SCN2B: variants seen among roughly 807,000 people sequenced by gnomAD.
The protein encoded by SCN2B is sodium voltage-gated channel beta subunit 2.
Under a neutral mutation model 18.2 loss-of-function variants are expected in SCN2B, and 14 were observed. The observed-to-expected ratio is 0.77, with a 90% CI of 0.51 to 1.21. The LOEUF is 1.21. Among genes scored for constraint, SCN2B ranks in the 50% most tolerant of loss-of-function variants. The probability of loss-of-function intolerance (pLI) is 0.00; values close to 1 mark genes in which losing one functional copy is unlikely to be tolerated. For missense variants in SCN2B, 262 were observed against 286.9 expected, an observed-to-expected ratio of 0.91 and a Z score of 0.63; for synonymous variants, 115 against 115.3, an observed-to-expected ratio of 1.00 and a Z score of 0.02.
intron 1 of SCN2B, among the ~76,000 whole-genome samples, chr11:118,169,832 G>C (rs962353346): frequency 1.3e-5 from 2 of 152,132 alleles, no homozygotes; most frequent in Non-Finnish European, 2.9e-5. Flanking sequence ...ATTCTAAGCA[G>C]GACAGAGCCT....
intron 1 of SCN2B, among the ~76,000 whole-genome samples, chr11:118,174,387 C>T (rs1220684557): frequency 3.3e-5 from 5 of 152,100 alleles, no homozygotes; most frequent in South Asian, 4.1e-4. Context: ...ATGCTTCTGC[C>T]GTGGGTAGAG....
In SCN2B at chr11:118,165,732, G is replaced by A. The variant is rs1283986388; in HGVS notation, c.*1155C>T. 6.6e-6 allele frequency: 1 copy of A among 152,398 alleles called. No homozygotes were observed. The highest frequency in any genetic ancestry group is 1.9e-4 in the East Asian group (1 of 5,196). 9.4% of individuals were successfully genotyped at this position (152,398 alleles called of 1,614,324 possible). The stretch of plus-strand genomic sequence containing the variant: ...CCCGCCTTGGCCTCCCAAAGTGCTG[G>A]GATTACAGGCGTGAGCCACTGTGCC... On this transcript the variant is annotated 3_prime_UTR_variant, in exon 4 of 4. Coordinates refer to ENST00000278947, the MANE Select transcript of SCN2B (RefSeq NM_004588.5).
chr11:118,174,091 C>CTTTTTTTTTTT lies in SCN2B; in HGVS notation c.70+2260_70+2270dup, dbSNP rs1162918445. On this transcript the variant is annotated intron_variant, in intron 1 of 3. Coordinates refer to ENST00000278947, the MANE Select transcript of SCN2B (RefSeq NM_004588.5). ...ACCATGCCTGGCTTATTTTTCTTTT[C>CTTTTTTTTTTT]TTTTTTTTTTTTTTTTTTTTTTTTT... 1.5e-3 allele frequency among the ~76,000 whole-genome samples: 100 copies of CTTTTTTTTTTT among 66,664 alleles called. 5 individuals are homozygous for CTTTTTTTTTTT. Among genetic ancestry groups the CTTTTTTTTTTT allele is most frequent in the African/African-American group, 3.5e-3 (55 of 15,540 alleles). 43.7% of individuals were successfully genotyped at this position (66,664 alleles called of 152,430 possible).
intron 3 of SCN2B, 125 bp from the exon 4 acceptor site, chr11:118,167,211 A>G: frequency 2.0e-6 from 2 of 1,002,692 alleles, no homozygotes; most frequent in Non-Finnish European, 2.9e-6. Flanking sequence ...GACTTTAGCA[A>G]AGCCGAAAAG....
At position 118,166,481 on chromosome 11, in the gene SCN2B, C is replaced by A. The variant is rs1253440404; in HGVS notation, c.*406G>T. 3.3e-6 allele frequency: 1 copy of A among 303,074 alleles called. No homozygotes were observed. The highest frequency in any genetic ancestry group is 3.2e-5 in the South Asian group (1 of 31,412). 18.8% of individuals were successfully genotyped at this position (303,074 alleles called of 1,614,324 possible). ...CCCTCCTGAGGGAGCGCTGTCAGCA[C>A]AGGAAAGCCCTCCCTCCCCACCAGG... On this transcript the variant is annotated 3_prime_UTR_variant, in exon 4 of 4. Transcript: ENST00000278947.
chr11:118,174,722 C>T (rs1175945582), intron 1 of SCN2B, among the ~76,000 whole-genome samples: 1 of 152,210 alleles, frequency 6.6e-6, no homozygotes, highest in Non-Finnish European at 1.5e-5. Context: ...ACTCCCTCTT[C>T]CTCACCCTAG....
At chr11:118,169,810 T>C (rs995225229) in intron 1 of SCN2B, among the ~76,000 whole-genome samples, 1 of 152,086 alleles carries the variant, frequency 6.6e-6, no homozygotes, top group Admixed American at 6.5e-5. Context: ...GAAAGGCCTG[T>C]CCCACTCCGA....
At position 118,168,617 on chromosome 11, in the gene SCN2B, A is replaced by G. The variant is rs369196654; in HGVS notation, c.205T>C (p.Tyr69His). The change falls in exon 2 of 4, where the codon TAC (tyrosine) becomes CAC (histidine). Residue 69 changes from tyrosine to histidine, a missense_variant. Coordinates refer to ENST00000278947, the MANE Select transcript of SCN2B (RefSeq NM_004588.5). The surrounding 1 kb of genome is among the most constrained non-coding windows in gnomAD (Gnocchi z 4.7). ...TCAGAGCAGTTGTTGCACTCCTGGT[A>G]AGTCCAGTTCAGGGAGAACTGTTTG... ...NHKQFSLNWT[Y>H]QECNNCSEEM... 133 of 1,614,106 alleles carry G rather than the reference A, an allele frequency of 8.2e-5. No individual in the cohort carries two copies. The highest frequency in any genetic ancestry group is 1.1e-4 in the Non-Finnish European group (131 of 1,180,054).
intron 3 of SCN2B, 151 bp downstream of exon 3, chr11:118,167,934 G>C: frequency 1.4e-6 from 1 of 710,276 alleles, no homozygotes; most frequent in South Asian, 1.5e-5. Context: ...TTGAGGACTA[G>C]AGGGAAGAAA....
Position 118,166,785 on chromosome 11 carries a change from C to T in SCN2B, c.*102G>A. The T allele has an allele frequency of 6.9e-7, 1 of 1,457,670 alleles. No individual in the cohort carries two copies. Among genetic ancestry groups the T allele is most frequent in the Non-Finnish European group, 9.5e-7 (1 of 1,050,852 alleles). 90.3% of individuals were successfully genotyped at this position (1,457,670 alleles called of 1,614,324 possible). A position where few individuals can be genotyped will look rare whatever the true frequency, so the allele number is the denominator to read the frequency against. ...GGAGGCCCCAGGTGGGCCCTGGGGT[C>T]CTAGGTCACGGGAAGCACACCAAGA... On this transcript the variant is annotated 3_prime_UTR_variant, in exon 4 of 4. Transcript: ENST00000278947.
chr11:118,173,562 G>A (rs1408925840), intron 1 of SCN2B, among the ~76,000 whole-genome samples: 5 of 152,176 alleles, frequency 3.3e-5, no homozygotes, highest in Admixed American at 6.5e-5. Context: ...TAGGGCTGTC[G>A]AAGGATTAAA....
Position 118,167,962 on chromosome 11 carries a change from A to G in SCN2B, c.448+123T>C, listed in dbSNP as rs1948397908. 11 of 773,156 alleles carry G rather than the reference A, an allele frequency of 1.4e-5. No homozygotes were observed. In the East Asian group the frequency reaches 2.9e-4, roughly 21 times the overall value. The allele number at this position is 773,156 out of a possible 1,614,324, so 47.9% of individuals were successfully genotyped here. Reference sequence around the variant, plus strand: ...GGAAGAAAATGGATTCCTTCTATGCAGCACAAATGGTTGCTCCCATCCTCA... The same window carrying G: ...GGAAGAAAATGGATTCCTTCTATGCGGCACAAATGGTTGCTCCCATCCTCA... On this transcript the variant is annotated intron_variant, in intron 3 of 3. Coordinates refer to ENST00000278947, the MANE Select transcript of SCN2B (RefSeq NM_004588.5).
intron 1 of SCN2B, among the ~76,000 whole-genome samples, chr11:118,174,483 T>C (rs776337502): frequency 1.4e-4 from 22 of 152,044 alleles, no homozygotes; most frequent in Non-Finnish European, 2.4e-4. Context: ...CCCTCGTCAC[T>C]TGTGGCATCC....
At chr11:118,173,683 G>A (rs1948446518) in intron 1 of SCN2B, among the ~76,000 whole-genome samples, 1 of 152,182 alleles carries the variant, frequency 6.6e-6, no homozygotes, top group African/African-American at 2.4e-5. Context: ...TACATACAAT[G>A]TTGTCTTGTT....
At chr11:118,172,793 C>T (rs1591446261) in intron 1 of SCN2B, among the ~76,000 whole-genome samples, 1 of 152,192 alleles carries the variant, frequency 6.6e-6, no homozygotes, top group African/African-American at 2.4e-5. Flanking sequence ...TAAAAATTTG[C>T]TCATCTGCCA....
chr11:118,166,635 G>A lies in SCN2B; in HGVS notation c.*252C>T. ...TGCCTCCTGCCTCCCCCCAGGGACT[G>A]GCAGGTGGGAGCCCTTTCTCTCCTC... On this transcript the variant is annotated 3_prime_UTR_variant, in exon 4 of 4. Transcript: ENST00000278947. 3.6e-6 allele frequency: 2 copies of A among 551,634 alleles called. No individual in the cohort carries two copies. The highest frequency in any genetic ancestry group is 2.0e-5 in the South Asian group (1 of 49,402). 34.2% of individuals were successfully genotyped at this position (551,634 alleles called of 1,614,324 possible). A position where few individuals can be genotyped will look rare whatever the true frequency, so the allele number is the denominator to read the frequency against.
chr11:118,172,564 G>A (rs879346054), intron 1 of SCN2B, among the ~76,000 whole-genome samples: 29 of 152,218 alleles, frequency 1.9e-4, no homozygotes, highest in Non-Finnish European at 8.8e-5. Flanking sequence ...TACAAGGGGG[G>A]CCCACAATCT....
rs1328314884 is a variant in SCN2B, at chr11:118,168,472, C to T, written c.237+113G>A. On this transcript the variant is annotated intron_variant, in intron 2 of 3. Transcript: ENST00000278947. The surrounding 1 kb of genome is among the most constrained non-coding windows in gnomAD (Gnocchi z 4.7). The stretch of plus-strand genomic sequence containing the variant: ...AAGAGCCTCCAGAGCACGCAGCCCA[C>T]CCAGGGTCCTCTGGGGCCCTAGCGC... The T allele has an allele frequency of 6.8e-7, 1 of 1,461,558 alleles. No individual in the cohort carries two copies. The highest frequency in any genetic ancestry group is 9.6e-7 in the Non-Finnish European group (1 of 1,043,340). The allele number at this position is 1,461,558 out of a possible 1,614,324, so 90.5% of individuals were successfully genotyped here.
At chr11:118,174,958 C>A (rs75469400) in intron 1 of SCN2B, among the ~76,000 whole-genome samples, 9,196 of 152,226 alleles carry the variant, frequency 0.06, 924 homozygotes, top group African/African-American at 0.21. Flanking sequence ...AGTGCCATTT[C>A]TTGAACATTG....
Sources: gnomAD v4.1 joint callset for allele counts (sites outside exome capture counted in the v4.1 genomes callset) on GRCh38, gnomAD v4.1.1 for gene constraint, Gnocchi (gnomAD v3.1) non-coding constraint, MANE v1.5 for transcripts, NCBI Gene and HGNC (gene_info 2026-07-23, HGNC 2026-07-21) for gene names.